The following PIK3C2B variants were observed in gnomAD, a reference collection of about 807,000 sequenced individuals.
The protein encoded by PIK3C2B is phosphatidylinositol-4-phosphate 3-kinase catalytic subunit type 2 beta.
In PIK3C2B, 83 loss-of-function variants were observed where a neutral mutation model predicts 184.3. The ratio of observed to expected loss-of-function variants is 0.45; its 90% CI spans 0.38 to 0.54. PIK3C2B has a LOEUF of 0.54. PIK3C2B is among the 20% of genes least tolerant of loss of function. The pLI is 0.00. For missense variants in PIK3C2B, 1,736 were observed against 2,113.5 expected (o/e 0.82, Z 3.50); for synonymous variants, 779 against 837.6 (o/e 0.93, Z 1.21).
In PIK3C2B at chr1:204,424,908, C is replaced by G. The variant is rs969286266; in HGVS notation, c.4849G>C (p.Ala1617Pro). 1 of 1,614,224 alleles carries G rather than the reference C, an allele frequency of 6.2e-7. No individual in the cohort carries two copies. Among genetic ancestry groups the G allele is most frequent in the Non-Finnish European group, 8.5e-7 (1 of 1,180,034 alleles). Reference protein sequence around the residue: ...VNIRLRELDLAQEKTGWFALG... With the variant: ...VNIRLRELDLPQEKTGWFALG... ...GCGAACCAGCCGGTCTTCTCCTGAG[C>G]CAGGTCCAGCTCTCGCAGGCGGATG... The change falls in exon 33 of 33, where the codon GCT (alanine) becomes CCT (proline). Residue 1617 changes from alanine to proline, a missense_variant. This residue lies in a region of PIK3C2B where 95 missense variants were observed against 164.2 expected (regional missense o/e 0.58). Coordinates refer to ENST00000684373, the MANE Select transcript of PIK3C2B (RefSeq NM_001377334.1).
chr1:204,456,222 A>C (rs1377116518), intron 10 of PIK3C2B, 171 bp from the exon 11 acceptor site: 1 of 500,872 alleles, frequency 2.0e-6, no homozygotes, highest in African/African-American at 1.9e-5. Context: ...AGAAAAAAGC[A>C]GAAGCATGTC....
intron 14 of PIK3C2B, 63 bp downstream of exon 14, chr1:204,449,121 GA>G: frequency 8.5e-7 from 1 of 1,176,896 alleles, no homozygotes; most frequent in Non-Finnish European, 1.2e-6. Flanking sequence ...ATCTCCAGGA[GA>G]AAAATGTAGA....
intron 1 of PIK3C2B, among the ~76,000 whole-genome samples, chr1:204,486,317 C>A (rs12120892): frequency 6.7e-6 from 1 of 150,334 alleles, no homozygotes; most frequent in African/African-American, 2.4e-5. Context: ...ATCACTTGAA[C>A]CCGGGAGGTG....
intron 29 of PIK3C2B, among the ~76,000 whole-genome samples, chr1:204,429,642 A>T (rs141316517): frequency 8.2e-4 from 125 of 152,280 alleles, no homozygotes; most frequent in African/African-American, 2.7e-3. Context: ...CTCAAAGAGG[A>T]GCCTTCCTTT....
chr1:204,485,535 G>C (rs1470130911), intron 1 of PIK3C2B, among the ~76,000 whole-genome samples: 2 of 150,892 alleles, frequency 1.3e-5, no homozygotes, highest in East Asian at 3.9e-4. Context: ...CCACTGCCAG[G>C]ATAATCTTCC....
chr1:204,472,787 A>C (rs999425660), intron 1 of PIK3C2B, among the ~76,000 whole-genome samples: 1 of 152,156 alleles, frequency 6.6e-6, no homozygotes, highest in African/African-American at 2.4e-5. Flanking sequence ...TCTAAAAAAA[A>C]CAAAGTACTG....
At chr1:204,428,101 G>C (rs1674845291) in intron 30 of PIK3C2B, 38 bp downstream of exon 30, 1 of 1,232,188 alleles carries the variant, frequency 8.1e-7, no homozygotes, top group Non-Finnish European at 1.2e-6. Flanking sequence ...GGGTAGTTCA[G>C]AGGAGTTGGC....
At chr1:204,493,558 A>C (rs1658158851) in intron 1 of PIK3C2B, among the ~76,000 whole-genome samples, 1 of 45,034 alleles carries the variant, frequency 2.2e-5, no homozygotes, top group Non-Finnish European at 5.8e-5. Flanking sequence ...CACACACTTC[A>C]ACATCAGCCA....
chr1:204,454,823 CA>C, intron 11 of PIK3C2B, 32 bp from the exon 12 acceptor site: 2 of 1,596,330 alleles, frequency 1.3e-6, no homozygotes, highest in Non-Finnish European at 1.7e-6. Context: ...TCAGGACACC[CA>C]GCTCCCAAAA....
intron 19 of PIK3C2B, 146 bp downstream of exon 19, chr1:204,443,271 T>A: frequency 1.5e-6 from 1 of 679,946 alleles, no homozygotes; most frequent in Admixed American, 2.7e-5. Context: ...GACTGCCTGT[T>A]TACGGCCTAG....
chr1:204,447,517 C>T lies in PIK3C2B; in HGVS notation c.2408G>A (p.Ser803Asn). The change falls in exon 15 of 33, where the codon AGC becomes AAC. Residue 803 changes from serine to asparagine, a missense_variant. Transcript: ENST00000684373. This position sits in a 1 kb window ranked among gnomAD's most constrained non-coding sequence, Gnocchi z 4.1. ...KFTSPPGDKFSPRYEFGSLRE... is the reference protein window; with the variant it reads ...KFTSPPGDKFNPRYEFGSLRE... ...GAGGCTGCCAAACTCATAGCGGGGGCTGAACTTGTCTCCAGGGGGGCTGGT... is the reference window on the plus strand; with the variant it reads ...GAGGCTGCCAAACTCATAGCGGGGGTTGAACTTGTCTCCAGGGGGGCTGGT... 6.2e-7 allele frequency: 1 copy of T among 1,611,406 alleles called. No homozygotes were observed. Among genetic ancestry groups the T allele is most frequent in the African/African-American group, 1.3e-5 (1 of 74,602 alleles).
intron 1 of PIK3C2B, among the ~76,000 whole-genome samples, chr1:204,487,277 T>C (rs1253055875): frequency 6.6e-6 from 1 of 152,250 alleles, no homozygotes; most frequent in Non-Finnish European, 1.5e-5. Flanking sequence ...GGCTAATTTT[T>C]AAATTTTTGT....
chr1:204,457,131 G>A, intron 9 of PIK3C2B, 61 bp from the exon 10 acceptor site: 1 of 1,437,618 alleles, frequency 7.0e-7, no homozygotes, highest in Non-Finnish European at 9.5e-7. Flanking sequence ...GTCACAGCTG[G>A]AAGAAGGGCT....
At position 204,469,324 on chromosome 1, in the gene PIK3C2B, G is replaced by C; in HGVS notation, c.479C>G (p.Pro160Arg). 6.5e-7 allele frequency: 1 copy of C among 1,531,502 alleles called. No homozygotes were observed. Among genetic ancestry groups the C allele is most frequent in the Non-Finnish European group, 8.8e-7 (1 of 1,141,560 alleles). The allele number at this position is 1,531,502 out of a possible 1,614,324, so 94.9% of individuals were successfully genotyped here. A position where few individuals can be genotyped will look rare whatever the true frequency, so the allele number is the denominator to read the frequency against. ...GGTATCCCAGATAGAAGCTCGGGGA[G>C]GCAGAGGAGGTGGGGATAGTTTCTT... ...SCKKLSPPPL[P>R]PRASIWDTPP... is the part of the protein sequence containing the mutation. Residue 160 changes from proline to arginine, a missense_variant, in exon 2 of 33, where the codon CCT becomes CGT. Transcript: ENST00000684373.
At chr1:204,481,235 G>A (rs566721717) in intron 1 of PIK3C2B, among the ~76,000 whole-genome samples, 11 of 149,554 alleles carry the variant, frequency 7.4e-5, no homozygotes, top group African/African-American at 1.7e-4. Context: ...GAAGAGAAGA[G>A]AGGAAGCTGG....
intron 1 of PIK3C2B, among the ~76,000 whole-genome samples, chr1:204,488,610 G>A (rs191451911): frequency 2.0e-5 from 3 of 152,240 alleles, no homozygotes; most frequent in African/African-American, 7.2e-5. Context: ...GTACAATGGT[G>A]GAATGAATGC....
rs989012198 is a variant in PIK3C2B, at chr1:204,441,351, T to C, written c.3249+120A>G. 10 of 605,680 alleles carry C rather than the reference T, an allele frequency of 1.7e-5. No individual in the cohort carries two copies. The Admixed American group carries it at 2.3e-4, about 14-fold the overall frequency. 37.5% of individuals were successfully genotyped at this position (605,680 alleles called of 1,614,324 possible). A position where few individuals can be genotyped will look rare whatever the true frequency, so the allele number is the denominator to read the frequency against. ...TCCTTTTTCACCTGATCATCTTTCC[T>C]ACATTAAGACAGCATGGAACAGTGG... On this transcript the variant is annotated intron_variant, in intron 21 of 32. Coordinates refer to ENST00000684373, the MANE Select transcript of PIK3C2B (RefSeq NM_001377334.1).
intron 12 of PIK3C2B, among the ~76,000 whole-genome samples, chr1:204,451,574 A>C (rs768371018): frequency 7.2e-5 from 11 of 152,098 alleles, no homozygotes; most frequent in Non-Finnish European, 1.3e-4. Flanking sequence ...GGATTCCTGG[A>C]ATGTGCTGGT....
At chr1:204,465,172 C>CCTCCCCCCT in intron 3 of PIK3C2B, 47 bp downstream of exon 3, 2 of 820,646 alleles carry the variant, frequency 2.4e-6, no homozygotes, top group East Asian at 3.0e-5. Context: ...CCCCCCTCCC[C>CCTCCCCCCT]ATCCCCCATA....
Sources: gnomAD v4.1 joint callset for allele counts (sites outside exome capture counted in the v4.1 genomes callset) on GRCh38, gnomAD v4.1.1 for gene constraint, gnomAD v4.1.1 regional missense constraint, Gnocchi (gnomAD v3.1) non-coding constraint, MANE v1.5 for transcripts, NCBI Gene and HGNC (gene_info 2026-07-23, HGNC 2026-07-21) for gene names.